The following KCNIP4 variants were observed in gnomAD, a reference collection of about 807,000 sequenced individuals.
The protein encoded by KCNIP4 is Kv channel-interacting protein 4.
Under a neutral mutation model 34.0 loss-of-function variants are expected in KCNIP4, and 12 were observed. The ratio of observed to expected loss-of-function variants is 0.35; its 90% CI spans 0.23 to 0.57. The LOEUF is 0.57. Among genes scored for constraint, KCNIP4 ranks in the 20% least tolerant of loss-of-function variants. The probability of loss-of-function intolerance (pLI) is 0.83; values close to 1 mark genes in which losing one functional copy is unlikely to be tolerated. For missense variants in KCNIP4, 238 were observed against 311.7 expected, an observed-to-expected ratio of 0.76 and a Z score of 1.78; for synonymous variants, 124 against 102.2, an observed-to-expected ratio of 1.21 and a Z score of -1.29.
intron 1 of KCNIP4, among the ~76,000 whole-genome samples, chr4:21,546,438 C>T (rs552711426): frequency 6.6e-6 from 1 of 151,954 alleles, no homozygotes; most frequent in Admixed American, 6.6e-5. Context: ...AGCAAGAGAC[C>T]AAGACAGATA....
At chr4:21,302,881 A>G (rs1328119398) in intron 1 of KCNIP4, among the ~76,000 whole-genome samples, 3 of 152,196 alleles carry the variant, frequency 2.0e-5, no homozygotes, top group Non-Finnish European at 2.9e-5. Context: ...ATACATTTAT[A>G]ATGTATTTTC....
At chr4:20,877,257 C>T (rs528121786) in intron 2 of KCNIP4, among the ~76,000 whole-genome samples, 1 of 152,278 alleles carries the variant, frequency 6.6e-6, no homozygotes, top group East Asian at 1.9e-4. Flanking sequence ...CTTTTTCCAC[C>T]TTCTAGTAAC....
At chr4:21,753,155 T>C (rs1717266812) in intron 1 of KCNIP4, among the ~76,000 whole-genome samples, 1 of 152,302 alleles carries the variant, frequency 6.6e-6, no homozygotes, top group South Asian at 2.1e-4. Context: ...GATCTGCAAT[T>C]AAGCAGGGCA....
At chr4:21,593,346 C>A (rs2109100501) in intron 1 of KCNIP4, among the ~76,000 whole-genome samples, 1 of 152,182 alleles carries the variant, frequency 6.6e-6, no homozygotes, top group Admixed American at 6.5e-5. Flanking sequence ...CGTTTATTAT[C>A]TCTGAAAGAG....
At chr4:21,779,532 A>G (rs10000470) in intron 1 of KCNIP4, among the ~76,000 whole-genome samples, 14,619 of 152,214 alleles carry the variant, frequency 0.096, 2,418 homozygotes, top group African/African-American at 0.33. Context: ...GTCACATTGT[A>G]CACCATAAAT....
In KCNIP4 at chr4:21,033,921, G is replaced by A. The variant is rs59663812; in HGVS notation, c.62-151212C>T. On this transcript the variant is annotated intron_variant, in intron 1 of 8. Coordinates refer to ENST00000382152, the MANE Select transcript of KCNIP4 (RefSeq NM_025221.6). Reference sequence around the variant, plus strand: ...TATTGTGCAGGTTCTGAAGAAAACCGCATATGGTCTCTCTGGCAAAAGCTA... The same window carrying A: ...TATTGTGCAGGTTCTGAAGAAAACCACATATGGTCTCTCTGGCAAAAGCTA... Among the ~76,000 whole-genome samples, 513 of 152,186 alleles carry A rather than the reference G, an allele frequency of 3.4e-3. 5 individuals are homozygous for A. The highest frequency in any genetic ancestry group is 0.012 in the African/African-American group (478 of 41,516).
intron 3 of KCNIP4, among the ~76,000 whole-genome samples, chr4:20,786,692 C>T (rs1712044164): frequency 6.6e-6 from 1 of 152,048 alleles, no homozygotes; most frequent in Admixed American, 6.6e-5. Context: ...TTAGAATGTA[C>T]ACTGTGCTTT....
intron 1 of KCNIP4, among the ~76,000 whole-genome samples, chr4:21,403,051 T>C (rs534607706): frequency 1.3e-5 from 2 of 152,298 alleles, no homozygotes; most frequent in South Asian, 4.1e-4. Context: ...CAAAGACTTT[T>C]ACTAGCACTT....
At chr4:21,379,432 G>T (rs1358722570) in intron 1 of KCNIP4, among the ~76,000 whole-genome samples, 2 of 152,066 alleles carry the variant, frequency 1.3e-5, no homozygotes, top group Non-Finnish European at 2.9e-5. Context: ...GTCATATTAT[G>T]CCACTAACCT....
intron 1 of KCNIP4, among the ~76,000 whole-genome samples, chr4:21,176,552 CTTATT>C (rs1754423790): frequency 6.6e-6 from 1 of 152,184 alleles, no homozygotes; most frequent in Non-Finnish European, 1.5e-5. Context: ...AGTTTTCACT[CTTATT>C]GCCCAGGCTA....
intron 1 of KCNIP4, among the ~76,000 whole-genome samples, chr4:21,152,111 G>A (rs1752801900): frequency 6.6e-6 from 1 of 152,084 alleles, no homozygotes; most frequent in Non-Finnish European, 1.5e-5. Context: ...AAATTAGCCA[G>A]GCATGGTGGC....
At chr4:21,872,024 G>T (rs1205949386) in intron 1 of KCNIP4, among the ~76,000 whole-genome samples, 1 of 151,626 alleles carries the variant, frequency 6.6e-6, no homozygotes, top group East Asian at 1.9e-4. Context: ...TTAACACGGA[G>T]AAAGAAAAAA....
intron 1 of KCNIP4, among the ~76,000 whole-genome samples, chr4:21,811,689 T>G (rs550953331): frequency 1.3e-5 from 2 of 152,308 alleles, no homozygotes; most frequent in East Asian, 3.9e-4. Flanking sequence ...TTTTCCTTCC[T>G]GTAAGACTAA....
chr4:21,336,537 TC>T (rs1438459423), intron 1 of KCNIP4, among the ~76,000 whole-genome samples: 1 of 152,188 alleles, frequency 6.6e-6, no homozygotes, highest in East Asian at 1.9e-4. Context: ...ATTTTAATTT[TC>T]CCAGTTGCCA....
intron 4 of KCNIP4, among the ~76,000 whole-genome samples, chr4:20,750,112 A>G (rs1167851439): frequency 6.6e-6 from 1 of 152,214 alleles, no homozygotes; most frequent in African/African-American, 2.4e-5. Context: ...AATACTACCA[A>G]TGAGACAGAG....
chr4:21,836,914 ATTTTT>A lies in KCNIP4; in HGVS notation c.61+111652_61+111656del, dbSNP rs201730191. Reference sequence around the variant, plus strand: ...TGGAAGCTCAAAAAAGCTGGGATAAATTTTTTTTTTTTTTTTTTTTTGAGACAGAG... The same window carrying A: ...TGGAAGCTCAAAAAAGCTGGGATAAATTTTTTTTTTTTTTTTGAGACAGAG... On this transcript the variant is annotated intron_variant, in intron 1 of 8. Coordinates refer to ENST00000382152, the MANE Select transcript of KCNIP4 (RefSeq NM_025221.6). Among the ~76,000 whole-genome samples the A allele has an allele frequency of 2.9e-3, 358 of 123,522 alleles. 2 individuals carry two copies. Among genetic ancestry groups the A allele is most frequent in the Middle Eastern group, 4.3e-3 (1 of 230 alleles). 81.0% of individuals were successfully genotyped at this position (123,522 alleles called of 152,430 possible). A position where few individuals can be genotyped will look rare whatever the true frequency, so the allele number is the denominator to read the frequency against.
At chr4:21,482,262 T>A (rs1266657063) in intron 1 of KCNIP4, among the ~76,000 whole-genome samples, 3 of 152,192 alleles carry the variant, frequency 2.0e-5, no homozygotes, top group Admixed American at 6.5e-5. Flanking sequence ...TGACTCTTTA[T>A]CCAATTTGCC....
At chr4:20,891,484 A>C (rs1195889008) in intron 1 of KCNIP4, among the ~76,000 whole-genome samples, 1 of 152,166 alleles carries the variant, frequency 6.6e-6, no homozygotes, top group Non-Finnish European at 1.5e-5. Flanking sequence ...AGGTGCCTGT[A>C]GTCCCAGCTA....
At chr4:21,419,074 C>T (rs1055129543) in intron 1 of KCNIP4, among the ~76,000 whole-genome samples, 2 of 152,174 alleles carry the variant, frequency 1.3e-5, no homozygotes, top group African/African-American at 2.4e-5. Context: ...CTCCATAATG[C>T]ACTATGCATG....
Sources: allele counts gnomAD v4.1 joint callset (sites outside exome capture counted in the v4.1 genomes callset), GRCh38; gene constraint gnomAD v4.1.1; transcripts MANE v1.5; gene names NCBI Gene and HGNC (gene_info 2026-07-23, HGNC 2026-07-21).